Variants in TDRD9 observed in about 807,000 individuals in gnomAD.
The protein encoded by TDRD9 is tudor domain containing 9, also known as ATP-dependent RNA helicase TDRD9.
A neutral mutation model predicts 172.6 loss-of-function variants in TDRD9; 124 were observed. The ratio of observed to expected loss-of-function variants is 0.72; its 90% CI spans 0.62 to 0.83. The LOEUF is 0.83. TDRD9 is among the 40% of genes least tolerant of loss of function. TDRD9 has a pLI of 0.00. For synonymous variants in TDRD9, 619 were observed against 617.1 expected, an observed-to-expected ratio of 1.00 and a Z score of -0.05; for missense variants, 1,479 against 1,714.1, an observed-to-expected ratio of 0.86 and a Z score of 2.42.
At chr14:103,943,272 A>G (rs2031350422) in intron 1 of TDRD9, among the ~76,000 whole-genome samples, 1 of 152,028 alleles carries the variant, frequency 6.6e-6, no homozygotes, top group Non-Finnish European at 1.5e-5. Context: ...CCAGGACCAT[A>G]GGTGCATGCC....
At chr14:104,045,496 C>T (rs749595445) in intron 34 of TDRD9, among the ~76,000 whole-genome samples, 2 of 150,856 alleles carry the variant, frequency 1.3e-5, no homozygotes, top group Admixed American at 1.3e-4. Context: ...TTTAGATACA[C>T]GTCTTTTATT....
intron 5 of TDRD9, among the ~76,000 whole-genome samples, chr14:103,970,242 T>A (rs1034490727): frequency 2.0e-5 from 3 of 152,090 alleles, no homozygotes; most frequent in Non-Finnish European, 4.4e-5. Context: ...GTTGTCACAG[T>A]GACCTTGGGC....
intron 31 of TDRD9, 63 bp downstream of exon 31, chr14:104,034,132 T>C: frequency 1.1e-6 from 1 of 930,926 alleles, no homozygotes; most frequent in South Asian, 1.4e-5. Context: ...CTTCAGCTAC[T>C]AGGAACAACT....
chr14:103,991,568 A>G (rs1211181723), intron 9 of TDRD9, among the ~76,000 whole-genome samples: 1 of 151,666 alleles, frequency 6.6e-6, no homozygotes, highest in Non-Finnish European at 1.5e-5. Context: ...GCACGCCACC[A>G]CGCCCGGCTT....
In TDRD9 at chr14:104,018,511, A is replaced by G. The variant is rs143306388; in HGVS notation, c.2432+319A>G. 5.9e-5 allele frequency among the ~76,000 whole-genome samples: 9 copies of G among 152,270 alleles called. No individual in the cohort carries two copies. In the East Asian group the frequency reaches 1.7e-3, roughly 29 times the overall value. ...CTTCACTTTCACGCACTGGTCTGAG[A>G]TTTTCTCAGTGAGTCATTAGTAAGA... On this transcript the variant is annotated intron_variant, in intron 23 of 35. Transcript: ENST00000409874.
chr14:104,007,325 A>G lies in TDRD9; in HGVS notation c.2052+121A>G. 5.6e-6 allele frequency: 5 copies of G among 888,810 alleles called. No homozygotes were observed. In the South Asian group the frequency reaches 8.2e-5, roughly 15 times the overall value. The allele number at this position is 888,810 out of a possible 1,614,324, so 55.1% of individuals were successfully genotyped here. On this transcript the variant is annotated intron_variant, in intron 19 of 35. Transcript: ENST00000409874. ...GCCACCTGCGGCTGGAGTCGAGGTC[A>G]CTGTCAGTGCTCGCACGGCTGTCCC...
chr14:104,007,191 T>C lies in TDRD9; in HGVS notation c.2039T>C (p.Leu680Pro). ...AAGGCTTGCAGACAGACAGGGGAGC[T>C]GCGGTACCCGAAGGTTGGTGAGCCC... ...TWKACRQTGE[L>P]RYPKDELNWG... The change falls in exon 19 of 36, where the codon CTG becomes CCG. Residue 680 changes from leucine (L) to proline (P), a missense_variant. By Grantham distance (98) the Leu-to-Pro change is moderately conservative. Transcript: ENST00000409874. 1 of 1,613,934 alleles carries C rather than the reference T, an allele frequency of 6.2e-7. No individual in the cohort carries two copies. Among genetic ancestry groups the C allele is most frequent in the Non-Finnish European group, 8.5e-7 (1 of 1,179,856 alleles).
chr14:104,033,784 G>C (rs1259956998), intron 30 of TDRD9, among the ~76,000 whole-genome samples, 176 bp from the exon 31 acceptor site: 2 of 152,206 alleles, frequency 1.3e-5, no homozygotes, highest in African/African-American at 4.8e-5. Context: ...ACTCCTGTGT[G>C]AAGAGGTGGT....
At position 103,986,310 on chromosome 14, in the gene TDRD9, A is replaced by G. The variant is rs2033659376; in HGVS notation, c.1105A>G (p.Lys369Glu). Reference protein sequence around the residue: ...LIQMFDDLDMKESGNKAWSGA... With the variant: ...LIQMFDDLDMEESGNKAWSGA... ...TCAGATGTTTGATGACTTGGATATGAAGGAGAGTGGGTAAGAGATACTTCA... is the reference window on the plus strand; with the variant it reads ...TCAGATGTTTGATGACTTGGATATGGAGGAGAGTGGGTAAGAGATACTTCA... Residue 369 changes from lysine to glutamate, a missense_variant, in exon 8 of 36, where the codon AAG becomes GAG. By Grantham distance (56) the Lys-to-Glu change is moderately conservative (BLOSUM62 1). Transcript: ENST00000409874. 1 of 1,609,792 alleles carries G rather than the reference A, an allele frequency of 6.2e-7. No individual in the cohort carries two copies.
At chr14:103,961,295 C>T (rs541924269) in intron 2 of TDRD9, among the ~76,000 whole-genome samples, 2 of 152,224 alleles carry the variant, frequency 1.3e-5, no homozygotes, top group Non-Finnish European at 2.9e-5. Context: ...ATTAAAAAGC[C>T]ATAGGTCAGG....
chr14:103,969,344 G>A (rs1355938746), intron 5 of TDRD9, among the ~76,000 whole-genome samples: 1 of 152,032 alleles, frequency 6.6e-6, no homozygotes, highest in Non-Finnish European at 1.5e-5. Flanking sequence ...TGATGGGTGT[G>A]TGAACTCAGA....
chr14:104,029,757 T>G (rs138274803), intron 28 of TDRD9, among the ~76,000 whole-genome samples: 24 of 152,346 alleles, frequency 1.6e-4, no homozygotes, highest in Non-Finnish European at 2.8e-4. Flanking sequence ...GTTCTTGTTC[T>G]TAGAGGAAAA....
rs2030116535 is a variant in TDRD9 at position 103,928,496 on chromosome 14, C to T, written c.-14C>T. Reference sequence around the variant, plus strand: ...ACCCGGCAGTTGGGGGATGCCGACGCCTGGGCCTTGAGGATGCTGCGGAAG... The same window carrying T: ...ACCCGGCAGTTGGGGGATGCCGACGTCTGGGCCTTGAGGATGCTGCGGAAG... On this transcript the variant is annotated 5_prime_UTR_variant, in exon 1 of 36. Transcript: ENST00000409874. The T allele has an allele frequency of 2.1e-6, 3 of 1,434,818 alleles. No individual in the cohort carries two copies. Among genetic ancestry groups the T allele is most frequent in the Non-Finnish European group, 1.8e-6 (2 of 1,084,900 alleles). The allele number at this position is 1,434,818 out of a possible 1,614,324, so 88.9% of individuals were successfully genotyped here.
At chr14:104,036,866 C>T (rs2035464506) in intron 32 of TDRD9, among the ~76,000 whole-genome samples, 1 of 152,148 alleles carries the variant, frequency 6.6e-6, no homozygotes, top group Non-Finnish European at 1.5e-5. Context: ...TCTTTGAATC[C>T]ACAGGCTTAA....
chr14:103,961,836 T>C (rs2032526797), intron 2 of TDRD9, among the ~76,000 whole-genome samples: 1 of 151,936 alleles, frequency 6.6e-6, no homozygotes, highest in South Asian at 2.1e-4. Context: ...GGAAAAGATG[T>C]AGGAAAACAA....
chr14:103,998,724 A>G lies in TDRD9; in HGVS notation c.1479A>G (p.Arg493=), dbSNP rs780371204. Residue 493 remains arginine, a synonymous_variant, in exon 13 of 36, where the codon AGA becomes AGG. Coordinates refer to ENST00000409874, the MANE Select transcript of TDRD9 (RefSeq NM_153046.3). The part of the protein sequence containing the change: ...SWASKTSCNQ[R]KGRAGRVSRG... ...CTTCTAAAACCAGCTGTAATCAGAG[A>G]AAAGGTAAGACATTTGTGTTAAAGC... is the stretch of plus-strand genomic sequence containing the variant. The G allele has an allele frequency of 6.6e-7, 1 of 1,519,114 alleles. No individual in the cohort carries two copies. The highest frequency in any genetic ancestry group is 9.1e-7 in the Non-Finnish European group (1 of 1,093,126). 94.1% of individuals were successfully genotyped at this position (1,519,114 alleles called of 1,614,324 possible). A position where few individuals can be genotyped will look rare whatever the true frequency, so the allele number is the denominator to read the frequency against.
intron 1 of TDRD9, among the ~76,000 whole-genome samples, chr14:103,937,263 C>T (rs186599048): frequency 7.2e-5 from 11 of 152,302 alleles, no homozygotes; most frequent in Admixed American, 2.0e-4. Flanking sequence ...CTGCTGCTCT[C>T]GCTGTGCTCT....
At chr14:104,004,366 T>TTTAC in intron 14 of TDRD9, 31 bp downstream of exon 14, 1 of 240,532 alleles carries the variant, frequency 4.2e-6, no homozygotes, top group African/African-American at 1.9e-4. Flanking sequence ...TCAAAGTTTA[T>TTTAC]TTATTTATTT....
chr14:103,942,591 A>G (rs1479576181), intron 1 of TDRD9, among the ~76,000 whole-genome samples: 1 of 152,210 alleles, frequency 6.6e-6, no homozygotes, highest in African/African-American at 2.4e-5. Context: ...CTGTATTTTT[A>G]TGCCTGTAGA....
Sources: allele counts gnomAD v4.1 joint callset (sites outside exome capture counted in the v4.1 genomes callset), GRCh38; gene constraint gnomAD v4.1.1; transcripts MANE v1.5; gene names NCBI Gene and HGNC (gene_info 2026-07-23, HGNC 2026-07-21).